The following SH3PXD2A variants were observed in gnomAD, a reference collection of about 807,000 sequenced individuals.
SH3PXD2A encodes the protein SH3 and PX domains 2A.
A neutral mutation model predicts 115.2 loss-of-function variants in SH3PXD2A; 32 were observed. The observed-to-expected ratio is 0.28, with a 90% confidence interval of 0.21 to 0.37. The LOEUF (loss-of-function observed/expected upper bound fraction) is 0.37, where lower values mean the gene tolerates loss of function less well. Among genes scored for constraint, SH3PXD2A ranks in the 10% least tolerant of loss-of-function variants. SH3PXD2A has a pLI of 1.00. For missense variants in SH3PXD2A, 1,328 were observed against 1,498.7 expected (o/e 0.89, Z 1.88); for synonymous variants, 610 against 629.1 (o/e 0.97, Z 0.45).
chr10:103,823,075 C>T (rs2039397207), intron 1 of SH3PXD2A, among the ~76,000 whole-genome samples: 1 of 152,158 alleles, frequency 6.6e-6, no homozygotes, highest in African/African-American at 2.4e-5. Context: ...CACCAATTCC[C>T]CTGCTAGGAA....
intron 3 of SH3PXD2A, among the ~76,000 whole-genome samples, chr10:103,765,671 C>T (rs544512408): frequency 6.6e-6 from 1 of 152,362 alleles, no homozygotes; most frequent in South Asian, 2.1e-4. Context: ...CAGCCTAACA[C>T]GCTGTGGCCT....
intron 1 of SH3PXD2A, among the ~76,000 whole-genome samples, chr10:103,827,127 G>A (rs1238980490): frequency 1.3e-5 from 2 of 152,176 alleles, no homozygotes; most frequent in Non-Finnish European, 2.9e-5. Flanking sequence ...AGCTCAGGGT[G>A]GATGAGGGGT....
intron 1 of SH3PXD2A, among the ~76,000 whole-genome samples, chr10:103,845,087 G>T (rs1037641518): frequency 6.6e-6 from 1 of 152,002 alleles, no homozygotes; most frequent in Non-Finnish European, 1.5e-5. Context: ...ACTTTGGGAG[G>T]CTGAGCCAGG....
intron 2 of SH3PXD2A, among the ~76,000 whole-genome samples, chr10:103,779,885 C>T (rs17115967): frequency 0.058 from 8,826 of 152,260 alleles, 708 homozygotes; most frequent in East Asian, 0.29. Flanking sequence ...AGCTGCCTGA[C>T]ACTTTTCTCT....
At chr10:103,672,618 G>C (rs1255473746) in intron 6 of SH3PXD2A, among the ~76,000 whole-genome samples, 1 of 152,248 alleles carries the variant, frequency 6.6e-6, no homozygotes, top group African/African-American at 2.4e-5. Context: ...TTGCCACTTA[G>C]CTCGCTGACT....
At chr10:103,794,883 C>T (rs544651324) in intron 2 of SH3PXD2A, among the ~76,000 whole-genome samples, 4 of 152,202 alleles carry the variant, frequency 2.6e-5, no homozygotes, top group Non-Finnish European at 4.4e-5. Context: ...TTGGAATAGC[C>T]GCTGAGCTGA....
At chr10:103,636,628 G>A (rs1191019751) in intron 8 of SH3PXD2A, among the ~76,000 whole-genome samples, 1 of 152,112 alleles carries the variant, frequency 6.6e-6, no homozygotes, top group Non-Finnish European at 1.5e-5. Context: ...AGGCCACAAT[G>A]GCCTCCTTAA....
At chr10:103,702,596 C>T (rs10883902) in intron 5 of SH3PXD2A, among the ~76,000 whole-genome samples, 330 of 147,544 alleles carry the variant, frequency 2.2e-3, no homozygotes, top group African/African-American at 5.1e-3. Context: ...TGTGTGTGTG[C>T]GTGTGTGTGT....
rs779963372 is a variant in SH3PXD2A, at chr10:103,602,779, C to T, written c.2439G>A (p.Glu813=). 9 of 1,614,080 alleles carry T rather than the reference C, an allele frequency of 5.6e-6. No homozygotes were observed. Among genetic ancestry groups the T allele is most frequent in the South Asian group, 3.3e-5 (3 of 91,064 alleles). ...GGTCGGATGAGCTTCTCCTAGACCCCTCACTGGGAGCCTCGGAGGCCGTCT... is the reference window on the plus strand; with the variant it reads ...GGTCGGATGAGCTTCTCCTAGACCCTTCACTGGGAGCCTCGGAGGCCGTCT... The part of the protein sequence containing the change: ...PPQTASEAPS[E]GSRRSSSDLI... The change falls in exon 15 of 15, where the codon GAG becomes GAA. Residue 813 remains glutamate (E), a synonymous_variant. Transcript: ENST00000369774.
intron 2 of SH3PXD2A, among the ~76,000 whole-genome samples, chr10:103,783,016 A>T (rs894794044): frequency 2.0e-5 from 3 of 151,364 alleles, no homozygotes; most frequent in African/African-American, 7.3e-5. Context: ...TGGGGACCTG[A>T]GGGAAGGGAC....
chr10:103,608,185 G>C (rs1056623226), intron 13 of SH3PXD2A, among the ~76,000 whole-genome samples: 3 of 85,242 alleles, frequency 3.5e-5, no homozygotes, highest in Non-Finnish European at 7.1e-5. Flanking sequence ...ACAGGACAGA[G>C]GCAGACCCAC....
At chr10:103,633,347 C>T (rs970367512) in intron 8 of SH3PXD2A, among the ~76,000 whole-genome samples, 15 of 148,640 alleles carry the variant, frequency 1.0e-4, no homozygotes, top group Admixed American at 4.0e-4. Context: ...GCCCGGGAGC[C>T]GGAGGTTGCA....
chr10:103,608,430 G>GAAAAAAA (rs953168200), intron 13 of SH3PXD2A, among the ~76,000 whole-genome samples: 45 of 85,228 alleles, frequency 5.3e-4, no homozygotes, highest in Non-Finnish European at 6.6e-4. Flanking sequence ...TCCATGTCAA[G>GAAAAAAA]AAAAAAAAAA....
chr10:103,843,187 C>T (rs115080005), intron 1 of SH3PXD2A, among the ~76,000 whole-genome samples: 5,580 of 152,212 alleles, frequency 0.037, 315 homozygotes, highest in African/African-American at 0.13. Flanking sequence ...GAAACTTGGC[C>T]AAGTGAAACA....
chr10:103,668,983 C>T (rs2037422762), intron 6 of SH3PXD2A, among the ~76,000 whole-genome samples: 1 of 152,246 alleles, frequency 6.6e-6, no homozygotes, highest in African/African-American at 2.4e-5. Flanking sequence ...TACAAGGCAG[C>T]CTGACCCTTC....
At chr10:103,662,688 C>A (rs893334482) in intron 7 of SH3PXD2A, among the ~76,000 whole-genome samples, 2 of 151,980 alleles carry the variant, frequency 1.3e-5, no homozygotes, top group African/African-American at 4.8e-5. Context: ...CGTGAGCCAC[C>A]GCGCCCGGCC....
In SH3PXD2A at chr10:103,627,684, C is replaced by T. The variant is rs115440031; in HGVS notation, c.605-482G>A. 8.4e-3 allele frequency among the ~76,000 whole-genome samples: 1,285 copies of T among 152,324 alleles called. 19 individuals are homozygous for T. Among genetic ancestry groups the T allele is most frequent in the African/African-American group, 0.028 (1,181 of 41,572 alleles). ...CCCCATCGCGGGTCAGCGGTACCTT[C>T]GCATTGGTGCCACTCACAGCTGCCC... On this transcript the variant is annotated intron_variant, in intron 8 of 14. Coordinates refer to ENST00000369774, the MANE Select transcript of SH3PXD2A (RefSeq NM_001394015.1). This position sits in a 1 kb window ranked among gnomAD's most constrained non-coding sequence, Gnocchi z 4.4.
At chr10:103,782,473 G>A (rs1011069055) in intron 2 of SH3PXD2A, among the ~76,000 whole-genome samples, 4 of 152,218 alleles carry the variant, frequency 2.6e-5, no homozygotes, top group African/African-American at 9.7e-5. Flanking sequence ...CTTTAAAGCG[G>A]AGGAGGAGGA....
intron 8 of SH3PXD2A, among the ~76,000 whole-genome samples, chr10:103,658,865 A>G (rs935562656): frequency 3.3e-5 from 5 of 152,252 alleles, no homozygotes; most frequent in Non-Finnish European, 7.3e-5. Flanking sequence ...CCACAAGGTC[A>G]TCTCCATTTT....
Sources: allele counts gnomAD v4.1 joint callset (sites outside exome capture counted in the v4.1 genomes callset), GRCh38; gene constraint gnomAD v4.1.1; non-coding constraint Gnocchi (gnomAD v3.1); transcripts MANE v1.5; gene names NCBI Gene and HGNC (gene_info 2026-07-23, HGNC 2026-07-21).